CYP39A1: variants seen among roughly 807,000 people sequenced by gnomAD.
CYP39A1 encodes the protein 24-hydroxycholesterol 7-alpha-hydroxylase.
In CYP39A1, 49 loss-of-function variants were observed where a neutral mutation model predicts 58.1. That is an observed-to-expected ratio of 0.84 (90% CI 0.67 to 1.07). CYP39A1 has a LOEUF of 1.07. CYP39A1 is among the 50% of genes least tolerant of loss of function. The pLI is 0.00. For missense variants in CYP39A1, 531 were observed against 539.4 expected, an observed-to-expected ratio of 0.98 and a Z score of 0.16; for synonymous variants, 209 against 187.6, an observed-to-expected ratio of 1.11 and a Z score of -0.93.
At chr6:46,592,679 A>G (rs9472785) in intron 8 of CYP39A1, among the ~76,000 whole-genome samples, 59,015 of 152,066 alleles carry the variant, frequency 0.39, 13,767 homozygotes, top group African/African-American at 0.64. Context: ...TTTTCAGCTG[A>G]GCGTGGTCGT....
At chr6:46,585,899 C>T (rs1772449395) in intron 10 of CYP39A1, among the ~76,000 whole-genome samples, 2 of 152,116 alleles carry the variant, frequency 1.3e-5, no homozygotes, top group South Asian at 4.1e-4. Context: ...AGGCTGCATG[C>T]TTCCTTGTTC....
Position 46,611,870 on chromosome 6 carries a change from C to T in CYP39A1, c.931+13548G>A, listed in dbSNP as rs545321888. On this transcript the variant is annotated intron_variant, in intron 7 of 11. Coordinates refer to ENST00000275016, the MANE Select transcript of CYP39A1 (RefSeq NM_016593.5). Reference sequence around the variant, plus strand: ...TTTATGTTCTCTGGAGAGATGTCAGCCTGACTTTAATAGTTTTTACCTTAG... The same window carrying T: ...TTTATGTTCTCTGGAGAGATGTCAGTCTGACTTTAATAGTTTTTACCTTAG... Among the ~76,000 whole-genome samples, 67 of 151,950 alleles carry T rather than the reference C, an allele frequency of 4.4e-4. 1 individual carries two copies. Among genetic ancestry groups the T allele is most frequent in the Non-Finnish European group, 8.1e-4 (55 of 67,968 alleles).
In CYP39A1 at chr6:46,639,546, G is replaced by T. The variant is rs1367962995; in HGVS notation, c.436C>A (p.Gln146Lys). ...TGQLTEELHE[Q>K]LENLGTHGTM... ...CCATGAGTGCCTAAATTCTCCAGTT[G>T]TTCATGTAATTCTTCAGTCAGTTGC... Residue 146 changes from glutamine (Q) to lysine (K), a missense_variant, in exon 3 of 12, where the codon CAA becomes AAA. Physicochemically the swap from Gln to Lys is moderately conservative, Grantham distance 53. Coordinates refer to ENST00000275016, the MANE Select transcript of CYP39A1 (RefSeq NM_016593.5). 1 of 1,614,058 alleles carries T rather than the reference G, an allele frequency of 6.2e-7. No individual in the cohort carries two copies. The highest frequency in any genetic ancestry group is 1.1e-5 in the South Asian group (1 of 91,082).
chr6:46,637,369 C>T (rs1208913241), intron 4 of CYP39A1, among the ~76,000 whole-genome samples: 1 of 152,218 alleles, frequency 6.6e-6, no homozygotes, highest in East Asian at 1.9e-4. Context: ...CAAGAAATTT[C>T]AAAATCATGC....
At chr6:46,563,628 T>C (rs1284222146) in intron 10 of CYP39A1, among the ~76,000 whole-genome samples, 1 of 151,944 alleles carries the variant, frequency 6.6e-6, no homozygotes, top group Non-Finnish European at 1.5e-5. Context: ...GGAAACAAAA[T>C]TTGGAGTCTG....
intron 7 of CYP39A1, among the ~76,000 whole-genome samples, chr6:46,598,820 T>C (rs1158154401): frequency 1.3e-5 from 2 of 152,142 alleles, no homozygotes; most frequent in African/African-American, 4.8e-5. Context: ...AATCCTGAGG[T>C]TCTAATTTTT....
chr6:46,648,114 A>G (rs999669939), intron 1 of CYP39A1, among the ~76,000 whole-genome samples: 14 of 152,254 alleles, frequency 9.2e-5, no homozygotes, highest in Admixed American at 4.6e-4. Flanking sequence ...TGATTCCTCA[A>G]GGATCTAGAA....
chr6:46,647,934 A>C (rs1206869575), intron 1 of CYP39A1, among the ~76,000 whole-genome samples: 1 of 152,172 alleles, frequency 6.6e-6, no homozygotes, highest in African/African-American at 2.4e-5. Context: ...CTGGCCATCA[A>C]ATAAATGCAA....
intron 7 of CYP39A1, among the ~76,000 whole-genome samples, chr6:46,619,430 T>C (rs1774824401): frequency 6.6e-6 from 1 of 152,050 alleles, no homozygotes; most frequent in Non-Finnish European, 1.5e-5. Flanking sequence ...GGTAAATACA[T>C]AAATACACAA....
intron 7 of CYP39A1, among the ~76,000 whole-genome samples, chr6:46,611,144 C>T (rs1053262537): frequency 1.3e-5 from 2 of 152,254 alleles, no homozygotes; most frequent in Non-Finnish European, 2.9e-5. Context: ...GCATCTCAGT[C>T]ATTTCTGGCC....
chr6:46,593,321 A>C (rs1479765159), intron 8 of CYP39A1, among the ~76,000 whole-genome samples: 1 of 152,066 alleles, frequency 6.6e-6, no homozygotes, highest in African/African-American at 2.4e-5. Context: ...CTTTTGAAAG[A>C]ATATGGGAGG....
intron 5 of CYP39A1, among the ~76,000 whole-genome samples, chr6:46,633,874 G>C (rs565867814): frequency 2.0e-5 from 3 of 151,716 alleles, no homozygotes; most frequent in Admixed American, 6.6e-5. Flanking sequence ...AAAAAAAAAT[G>C]CCACTGCCAC....
chr6:46,613,705 T>G (rs1327028850), intron 7 of CYP39A1, among the ~76,000 whole-genome samples: 2 of 142,430 alleles, frequency 1.4e-5, no homozygotes, highest in Admixed American at 7.0e-5. Context: ...TATTTGTTTG[T>G]TTTTTTTTTT....
intron 1 of CYP39A1, among the ~76,000 whole-genome samples, chr6:46,648,777 ATTGT>A (rs1264108779): frequency 6.6e-6 from 1 of 152,072 alleles, no homozygotes; most frequent in Non-Finnish European, 1.5e-5. Context: ...ATTAATGCAG[ATTGT>A]TTGATGTATA....
At chr6:46,568,815 GA>G (rs1237620213) in intron 10 of CYP39A1, among the ~76,000 whole-genome samples, 1 of 151,924 alleles carries the variant, frequency 6.6e-6, no homozygotes, top group Non-Finnish European at 1.5e-5. Context: ...TTTGCAATCA[GA>G]AAATGAGAGT....
In CYP39A1 at chr6:46,647,896, T is replaced by G. The variant is rs1762427068; in HGVS notation, c.177+4510A>C. Among the ~76,000 whole-genome samples the G allele has an allele frequency of 2.6e-5, 4 of 152,190 alleles. No individual in the cohort carries two copies. The South Asian group carries it at 6.2e-4, about 24-fold the overall frequency. ...TTAGCCCATTGTCAGATGAATAGAT[T>G]GCAAAAATTTTTTCCCATTCTGTAT... is the stretch of plus-strand genomic sequence containing the variant. On this transcript the variant is annotated intron_variant, in intron 1 of 11. Coordinates refer to ENST00000275016, the MANE Select transcript of CYP39A1 (RefSeq NM_016593.5).
Position 46,625,439 on chromosome 6 carries a change from A to T in CYP39A1, c.910T>A (p.Ser304Thr). ...DIHKAIMEGI[S>T]SVFGKAGKDK... ...GTACCTGCTTTGCCAAACACAGAAGATATGCCTTCCATAATGGCCTTGTGG... is the reference window on the plus strand; with the variant it reads ...GTACCTGCTTTGCCAAACACAGAAGTTATGCCTTCCATAATGGCCTTGTGG... Residue 304 changes from serine (S) to threonine (T), a missense_variant, in exon 7 of 12, where the codon TCT becomes ACT. Coordinates refer to ENST00000275016, the MANE Select transcript of CYP39A1 (RefSeq NM_016593.5). 24 of 1,610,620 alleles carry T rather than the reference A, an allele frequency of 1.5e-5. No individual in the cohort carries two copies. The highest frequency in any genetic ancestry group is 2.0e-5 in the Non-Finnish European group (24 of 1,178,098).
chr6:46,562,017 G>T (rs2150484340), intron 10 of CYP39A1, among the ~76,000 whole-genome samples: 1 of 152,094 alleles, frequency 6.6e-6, no homozygotes, highest in South Asian at 2.1e-4. Flanking sequence ...TGCTAAGAGA[G>T]TAGTTTGTTT....
At chr6:46,607,227 C>G (rs1275095609) in intron 7 of CYP39A1, among the ~76,000 whole-genome samples, 1 of 152,062 alleles carries the variant, frequency 6.6e-6, no homozygotes, top group African/African-American at 2.4e-5. Context: ...ATAAATATCT[C>G]TAAGTTTCAT....
Sources: allele counts gnomAD v4.1 joint callset (sites outside exome capture counted in the v4.1 genomes callset), GRCh38; gene constraint gnomAD v4.1.1; transcripts MANE v1.5; gene names NCBI Gene and HGNC (gene_info 2026-07-23, HGNC 2026-07-21).